SLC5A11: variants seen among roughly 807,000 people sequenced by gnomAD.
SLC5A11 encodes the protein sodium/myo-inositol cotransporter 2.
SLC5A11 carries 48 observed loss-of-function variants against 69.8 expected under a neutral mutation model. The ratio of observed to expected loss-of-function variants is 0.69; its 90% confidence interval spans 0.55 to 0.87. The LOEUF (loss-of-function observed/expected upper bound fraction) is 0.87, where lower values mean the gene tolerates loss of function less well. Among genes scored for constraint, SLC5A11 ranks in the 40% least tolerant of loss-of-function variants. The probability of loss-of-function intolerance (pLI) is 0.00; values close to 1 mark genes in which losing one functional copy is unlikely to be tolerated. For synonymous variants in SLC5A11, 319 were observed against 342.4 expected, an observed-to-expected ratio of 0.93 and a Z score of 0.75; for missense variants, 784 against 866.1, an observed-to-expected ratio of 0.91 and a Z score of 1.19.
At position 24,898,121 on chromosome 16, in the gene SLC5A11, G is replaced by A. The variant is rs375295111; in HGVS notation, c.1006+12G>A. ...CATCCTCTTCCCAGGTGAGAACACA[G>A]CTGGGGGAAGAGGTCATTGGTATGT... On this transcript the variant is annotated intron_variant, in intron 10 of 15. Coordinates refer to ENST00000347898, the Ensembl canonical transcript of SLC5A11. 62 of 1,612,956 alleles carry A rather than the reference G, an allele frequency of 3.8e-5. No individual in the cohort carries two copies. In the African/African-American group the frequency reaches 6.4e-4, roughly 17 times the overall value.
intron 1 of SLC5A11, among the ~76,000 whole-genome samples, chr16:24,849,593 A>AAAAAAAAAAAATATATATATATATATAT: frequency 5.6e-5 from 2 of 35,910 alleles, no homozygotes; most frequent in African/African-American, 9.2e-5. Flanking sequence ...AAAAAAAAAA[A>AAAAAAAAAAAATATATATATATATATAT]ATATATATAT....
chr16:24,856,520 G>C (rs541335934), intron 1 of SLC5A11, among the ~76,000 whole-genome samples: 2 of 150,410 alleles, frequency 1.3e-5, no homozygotes, highest in Non-Finnish European at 2.9e-5. Context: ...TTGGGAGGCC[G>C]AGGTGGGTGG....
chr16:24,879,774 G>A (rs2047921879), intron 7 of SLC5A11, among the ~76,000 whole-genome samples: 1 of 152,134 alleles, frequency 6.6e-6, no homozygotes, highest in Non-Finnish European at 1.5e-5. Context: ...AAATAAGTGA[G>A]TGGTTTTCTG....
In SLC5A11 at chr16:24,911,372, TG is replaced by T. The variant is rs1432186039; in HGVS notation, c.1869del (p.Trp623CysfsTer21). On this transcript the variant is annotated frameshift_variant, in exon 16 of 16. Transcript: ENST00000347898. LOFTEE classifies it low-confidence loss of function (END_TRUNC). ...GTCCAAAGTGGTGAAGGCCATCCTGTGGCTCTGTGGAATACAGGAGAAGGGC... is the reference window on the plus strand; with the variant it reads ...GTCCAAAGTGGTGAAGGCCATCCTGTGCTCTGTGGAATACAGGAGAAGGGC... The T allele has an allele frequency of 6.2e-7, 1 of 1,614,060 alleles. No homozygotes were observed. Among genetic ancestry groups the T allele is most frequent in the South Asian group, 1.1e-5 (1 of 91,082 alleles).
chr16:24,886,950 A>G (rs565029642), intron 8 of SLC5A11, among the ~76,000 whole-genome samples: 6 of 152,322 alleles, frequency 3.9e-5, no homozygotes, highest in Admixed American at 1.3e-4. Context: ...CCTGGGTGAC[A>G]GGGTGAGACT....
rs182997572 is a variant in SLC5A11, at chr16:24,874,436, A to T, written c.373-1191A>T. Among the ~76,000 whole-genome samples the T allele has an allele frequency of 1.2e-4, 18 of 152,298 alleles. No individual in the cohort carries two copies. In the East Asian group the frequency reaches 3.5e-3, roughly 29 times the overall value. On this transcript the variant is annotated intron_variant, in intron 5 of 15. Coordinates refer to ENST00000347898, the Ensembl canonical transcript of SLC5A11. Reference sequence around the variant, plus strand: ...TTTCCCAGAGTAGTTCTATCCATTTATATTCCCACCAGCAGTGTATGAAAA... The same window carrying T: ...TTTCCCAGAGTAGTTCTATCCATTTTTATTCCCACCAGCAGTGTATGAAAA...
At chr16:24,858,827 T>C (rs765715527) in intron 2 of SLC5A11, 49 bp downstream of exon 3, 5 of 1,579,104 alleles carry the variant, frequency 3.2e-6, no homozygotes, top group Non-Finnish European at 4.3e-6. Flanking sequence ...AGGAAATGTC[T>C]GTTTAGAGGT....
rs181255136 is a variant in SLC5A11 at position 24,905,617 on chromosome 16, A to G, written c.1007-1040A>G. On this transcript the variant is annotated intron_variant, in intron 10 of 15. Coordinates refer to ENST00000347898, the Ensembl canonical transcript of SLC5A11. ...AGCCTGGGCGACAGAGCAAGACCCC[A>G]TCTCAAAAACACGCGCGCGCGCGCA... Among the ~76,000 whole-genome samples, 648 of 146,708 alleles carry G rather than the reference A, an allele frequency of 4.4e-3. 15 individuals carry two copies. The East Asian group carries it at 0.048, about 11-fold the overall frequency.
chr16:24,909,076 G>C, exon 14 of SLC5A11: 3 of 1,614,118 alleles, frequency 1.9e-6, no homozygotes, highest in Non-Finnish European at 2.5e-6. Flanking sequence ...CTGGTTCACA[G>C]AGCCACCCTC....
intron 3 of SLC5A11, among the ~76,000 whole-genome samples, chr16:24,863,849 G>C (rs1024922137): frequency 6.6e-6 from 1 of 152,076 alleles, no homozygotes; most frequent in African/African-American, 2.4e-5. Flanking sequence ...CAACTGAAGA[G>C]GTCAGAATGG....
At chr16:24,881,323 G>A (rs1243343816) in intron 7 of SLC5A11, among the ~76,000 whole-genome samples, 1 of 151,974 alleles carries the variant, frequency 6.6e-6, no homozygotes, top group Non-Finnish European at 1.5e-5. Flanking sequence ...GTCTCCCTCT[G>A]TTGCCCAGGC....
chr16:24,846,877 C>T (rs2059037749), intron 1 of SLC5A11: 1 of 152,252 alleles, frequency 6.6e-6, no homozygotes, highest in Non-Finnish European at 1.5e-5. Context: ...CTGTTAACTA[C>T]AAGGCAAATA....
intron 9 of SLC5A11, among the ~76,000 whole-genome samples, chr16:24,896,318 C>G (rs1424226085): frequency 3.3e-5 from 5 of 152,164 alleles, no homozygotes; most frequent in African/African-American, 1.2e-4. Flanking sequence ...TATAGCAAGA[C>G]CCCATCTCTA....
At chr16:24,900,109 A>G (rs2049474115) in intron 10 of SLC5A11, among the ~76,000 whole-genome samples, 1 of 152,204 alleles carries the variant, frequency 6.6e-6, no homozygotes, top group Non-Finnish European at 1.5e-5. Flanking sequence ...CATGGGGATA[A>G]ATGATACCGA....
At chr16:24,903,607 C>G (rs2049808637) in intron 10 of SLC5A11, among the ~76,000 whole-genome samples, 1 of 152,206 alleles carries the variant, frequency 6.6e-6, no homozygotes, top group Non-Finnish European at 1.5e-5. Context: ...CAGTATTTAT[C>G]TTTCTGTGCC....
At chr16:24,882,363 G>A (rs1054699957) in intron 7 of SLC5A11, among the ~76,000 whole-genome samples, 7 of 152,170 alleles carry the variant, frequency 4.6e-5, no homozygotes, top group South Asian at 4.1e-4. Flanking sequence ...ATGCGTGAAC[G>A]GCAGGGAACT....
chr16:24,904,175 GGATTACAGTTCCCTCCCTTGACATGTGGA>G (rs2049850646), intron 10 of SLC5A11, among the ~76,000 whole-genome samples: 1 of 152,136 alleles, frequency 6.6e-6, no homozygotes, highest in South Asian at 2.1e-4. Context: ...CGACATGGGG[GGATTACAGTTCCCTCCCTTGACATGTGGA>G]GATTACAATT....
chr16:24,872,543 G>A (rs2047372213), intron 5 of SLC5A11, among the ~76,000 whole-genome samples: 1 of 152,090 alleles, frequency 6.6e-6, no homozygotes. Flanking sequence ...ATCACAACAT[G>A]TTTCTGCTAT....
chr16:24,901,952 A>ACACACG lies in SLC5A11; in HGVS notation c.1006+3849_1006+3854dup, dbSNP rs151245240. 6.0e-3 allele frequency among the ~76,000 whole-genome samples: 797 copies of ACACACG among 133,564 alleles called. 4 individuals carry two copies. The highest frequency in any genetic ancestry group is 0.011 in the Middle Eastern group (3 of 274). 87.6% of individuals were successfully genotyped at this position (133,564 alleles called of 152,430 possible). On this transcript the variant is annotated intron_variant, in intron 10 of 15. Transcript: ENST00000347898. ...AAAATACACACACACACACACACAC[A>ACACACG]CACACGCACACACACACACACACAC...
Sources: allele counts gnomAD v4.1 joint callset (sites outside exome capture counted in the v4.1 genomes callset), GRCh38; gene constraint gnomAD v4.1.1; transcripts MANE v1.5; gene names NCBI Gene and HGNC (gene_info 2026-07-23, HGNC 2026-07-21).